RAPGEF6: variants seen among roughly 807,000 people sequenced by gnomAD.
RAPGEF6 encodes the protein Rap guanine nucleotide exchange factor 6, also known as PDZ domain containing guanine nucleotide exchange factor (GEF) 2.
Under a neutral mutation model 171.4 loss-of-function variants are expected in RAPGEF6, and 56 were observed. That is an observed-to-expected ratio of 0.33 (90% CI 0.26 to 0.41). RAPGEF6 has a LOEUF of 0.41. Ranked by LOEUF, RAPGEF6 falls within the 10% of genes least tolerant of loss-of-function variation. RAPGEF6 has a pLI of 1.00. For missense variants in RAPGEF6, 1,674 were observed against 1,921.4 expected, an observed-to-expected ratio of 0.87 and a Z score of 2.41; for synonymous variants, 692 against 650.1, an observed-to-expected ratio of 1.06 and a Z score of -0.98.
chr5:131,516,276 GT>G (rs1758079362), intron 7 of RAPGEF6, among the ~76,000 whole-genome samples: 1 of 151,818 alleles, frequency 6.6e-6, no homozygotes, highest in Admixed American at 6.6e-5. Context: ...TAGAGATGGG[GT>G]TTTGCTATGT....
chr5:131,539,936 CAA>C (rs915925870), intron 6 of RAPGEF6, among the ~76,000 whole-genome samples: 8 of 152,112 alleles, frequency 5.3e-5, no homozygotes, highest in Admixed American at 2.6e-4. Context: ...AATCCCAGAA[CAA>C]AAGACTAGAT....
At chr5:131,480,861 T>TA (rs961753990) in intron 15 of RAPGEF6, among the ~76,000 whole-genome samples, 2 of 151,962 alleles carry the variant, frequency 1.3e-5, no homozygotes, top group Admixed American at 1.3e-4. Flanking sequence ...GTAAAGCTGC[T>TA]AAAAAAATAT....
intron 6 of RAPGEF6, among the ~76,000 whole-genome samples, chr5:131,539,059 AAG>A: frequency 6.6e-6 from 1 of 152,338 alleles, no homozygotes; most frequent in Non-Finnish European, 1.5e-5. Context: ...GCTGTAAATA[AAG>A]AGAGAAGAGA....
chr5:131,572,492 T>C (rs991744776), intron 4 of RAPGEF6, among the ~76,000 whole-genome samples: 1 of 152,132 alleles, frequency 6.6e-6, no homozygotes, highest in Non-Finnish European at 1.5e-5. Flanking sequence ...AGACACATCT[T>C]CCCTTGGTGT....
chr5:131,559,051 G>A (rs1006483562), intron 5 of RAPGEF6, among the ~76,000 whole-genome samples: 1 of 152,126 alleles, frequency 6.6e-6, no homozygotes, highest in Non-Finnish European at 1.5e-5. Context: ...CTCCTGGCCA[G>A]GCAAAGCGGC....
At chr5:131,629,273 A>C (rs1766141979) in intron 1 of RAPGEF6, among the ~76,000 whole-genome samples, 1 of 152,074 alleles carries the variant, frequency 6.6e-6, no homozygotes, top group Non-Finnish European at 1.5e-5. Flanking sequence ...TGAGCCTAGG[A>C]GTTCAAGACC....
intron 15 of RAPGEF6, among the ~76,000 whole-genome samples, chr5:131,483,298 G>A (rs1411412042): frequency 6.8e-6 from 1 of 148,012 alleles, no homozygotes; most frequent in Admixed American, 6.8e-5. Context: ...GCAGTGAGCC[G>A]AGATCGAGCC....
At chr5:131,541,205 T>C (rs983963741) in intron 6 of RAPGEF6, among the ~76,000 whole-genome samples, 1 of 152,196 alleles carries the variant, frequency 6.6e-6, no homozygotes, top group African/African-American at 2.4e-5. Context: ...GAACAGGAAA[T>C]GTCAGGAAAG....
chr5:131,519,383 A>C (rs548904539), intron 7 of RAPGEF6, among the ~76,000 whole-genome samples: 5 of 152,200 alleles, frequency 3.3e-5, no homozygotes, highest in African/African-American at 1.2e-4. Flanking sequence ...CAGTGATACC[A>C]GGTTCTTATA....
At chr5:131,449,991 T>C (rs912493833) in intron 21 of RAPGEF6, 2 of 1,528,290 alleles carry the variant, frequency 1.3e-6, no homozygotes, top group Non-Finnish European at 1.8e-6. Flanking sequence ...TCGCACAACC[T>C]TCATTCCAGT....
chr5:131,546,044 C>A (rs7709979), intron 6 of RAPGEF6, among the ~76,000 whole-genome samples: 19,095 of 152,092 alleles, frequency 0.13, 3,371 homozygotes, highest in African/African-American at 0.4. Context: ...GGGCTAAAAG[C>A]AAATGACTCA....
In RAPGEF6 at chr5:131,433,568, C is replaced by G; in HGVS notation, c.3836G>C (p.Cys1279Ser). The G allele has an allele frequency of 6.2e-7, 1 of 1,613,684 alleles. No individual in the cohort carries two copies. ...AGCTGCAGACATGGAGTCAACAGAA[C>G]AATTGCTCACGATGCTGGACCGTGA... ...ISSRSSIVSN[C>S]SVDSMSAALQ... Residue 1279 changes from cysteine (C) to serine (S), a missense_variant, in exon 25 of 28, where the codon TGT (cysteine) becomes TCT (serine). Physicochemically the swap from Cys to Ser is moderately radical, Grantham distance 112. This residue lies in a region of RAPGEF6 where 552 missense variants were observed against 574.2 expected (regional missense o/e 0.96). Transcript: ENST00000509018.
chr5:131,432,745 C>A (rs1751786494), intron 25 of RAPGEF6, among the ~76,000 whole-genome samples: 1 of 152,056 alleles, frequency 6.6e-6, no homozygotes, highest in Admixed American at 6.6e-5. Context: ...GGCCTTATGG[C>A]CTGTGAAGTC....
intron 1 of RAPGEF6, among the ~76,000 whole-genome samples, chr5:131,632,253 A>T (rs1766361986): frequency 6.6e-6 from 1 of 151,964 alleles, no homozygotes; most frequent in Non-Finnish European, 1.5e-5. Flanking sequence ...CTCCAGTCAC[A>T]CAAAGCTGCT....
At chr5:131,568,403 T>C (rs1460189756) in intron 4 of RAPGEF6, among the ~76,000 whole-genome samples, 1 of 151,996 alleles carries the variant, frequency 6.6e-6, no homozygotes, top group African/African-American at 2.4e-5. Flanking sequence ...TGATCATAGC[T>C]CACTGCAGCC....
chr5:131,617,083 G>A (rs115360829), intron 1 of RAPGEF6, among the ~76,000 whole-genome samples: 2,085 of 152,308 alleles, frequency 0.014, 52 homozygotes, highest in African/African-American at 0.047. Flanking sequence ...ACATTCTGCA[G>A]CTATGGTTCT....
chr5:131,511,158 T>C (rs1757693838), intron 7 of RAPGEF6: 1 of 152,196 alleles, frequency 6.6e-6, no homozygotes, highest in South Asian at 2.1e-4. Context: ...TAGTCTTACA[T>C]ATTTTAAAGA....
At position 131,492,292 on chromosome 5, in the gene RAPGEF6, T is replaced by C. The variant is rs116822067; in HGVS notation, c.1731+290A>G. On this transcript the variant is annotated intron_variant, in intron 14 of 27. Coordinates refer to ENST00000509018, the MANE Select transcript of RAPGEF6 (RefSeq NM_016340.6). The stretch of plus-strand genomic sequence containing the variant: ...GGAGTATTCTCAAGTTGCCAGCTTA[T>C]ACAGTTTCCTAATCCATGAAGGATA... Among the ~76,000 whole-genome samples the C allele has an allele frequency of 5.7e-3, 873 of 152,282 alleles. 6 individuals are homozygous for C. Among genetic ancestry groups the C allele is most frequent in the African/African-American group, 0.019 (802 of 41,544 alleles).
chr5:131,479,430 T>C (rs1160611892), intron 16 of RAPGEF6, 83 bp downstream of exon 16: 10 of 1,491,362 alleles, frequency 6.7e-6, no homozygotes, highest in South Asian at 3.8e-5. Flanking sequence ...AAAGCAAAAC[T>C]TACCCAAGCC....
Sources: gnomAD v4.1 joint callset for allele counts (sites outside exome capture counted in the v4.1 genomes callset) on GRCh38, gnomAD v4.1.1 for gene constraint, gnomAD v4.1.1 regional missense constraint, MANE v1.5 for transcripts, NCBI Gene and HGNC (gene_info 2026-07-23, HGNC 2026-07-21) for gene names.